Variants in EME2 observed in about 807,000 individuals in gnomAD.
The protein encoded by EME2 is structure-specific endonuclease subunit EME2.
EME2 carries 58 observed loss-of-function variants against 41.9 expected under a neutral mutation model. The observed-to-expected ratio is 1.38, with a 90% CI of 1.12 to 1.72. The LOEUF is 1.72. Among genes scored for constraint, EME2 ranks in the 40% most tolerant of loss-of-function variants. The pLI, the probability that EME2 is intolerant of heterozygous loss-of-function variation, is 0.00. For synonymous variants in EME2, 334 were observed against 239.3 expected, an observed-to-expected ratio of 1.40 and a Z score of -3.65; for missense variants, 695 against 541.9, an observed-to-expected ratio of 1.28 and a Z score of -2.81.
Position 1,775,557 on chromosome 16 carries a change from C to G in EME2, c.664-12C>G. 6.2e-7 allele frequency: 1 copy of G among 1,612,066 alleles called. No homozygotes were observed. The highest frequency in any genetic ancestry group is 8.5e-7 in the Non-Finnish European group (1 of 1,179,318). Reference sequence around the variant, plus strand: ...CCTCTGGCTCGTGCCCATCAGCTTGCCTCCTCCCCAGGCCCTGGTACTCCT... The same window carrying G: ...CCTCTGGCTCGTGCCCATCAGCTTGGCTCCTCCCCAGGCCCTGGTACTCCT... On this transcript the variant is annotated splice_polypyrimidine_tract_variant and intron_variant, in intron 5 of 7. Transcript: ENST00000568449.
At position 1,776,832 on chromosome 16, in the gene EME2, G is replaced by A. The variant is rs939689387; in HGVS notation, c.*594G>A. 2.3e-5 allele frequency: 12 copies of A among 528,732 alleles called. No individual in the cohort carries two copies. The highest frequency in any genetic ancestry group is 7.7e-5 in the African/African-American group (4 of 52,212). The allele number at this position is 528,732 out of a possible 1,614,324, so 32.8% of individuals were successfully genotyped here. On this transcript the variant is annotated 3_prime_UTR_variant, in exon 8 of 8. Coordinates refer to ENST00000568449, the MANE Select transcript of EME2 (RefSeq NM_001257370.2). ...CGAGGCCCTGTGGGAACAGCAACGC[G>A]GGCTCCAGCCAGGCTCTCGTCCTCG...
intron 3 of EME2, 169 bp from the exon 4 acceptor site, chr16:1,774,872 G>A (rs2042685107): frequency 5.9e-6 from 4 of 674,860 alleles, no homozygotes; most frequent in Admixed American, 4.7e-5. Flanking sequence ...TGGCCTCGTG[G>A]GAGGCACAGA....
chr16:1,778,853 G>A lies in EME2; in HGVS notation c.*2615G>A, dbSNP rs1017464538. On this transcript the variant is annotated 3_prime_UTR_variant, in exon 8 of 8. Transcript: ENST00000568449. ...GCCCAGCCACAGAGCAGTAGCCAAG[G>A]CTGCCTGGCCTCCAAGTGGTTTCTA... 22 of 432,106 alleles carry A rather than the reference G, an allele frequency of 5.1e-5. No homozygotes were observed. The highest frequency in any genetic ancestry group is 4.0e-4 in the African/African-American group (20 of 49,440). The allele number at this position is 432,106 out of a possible 1,614,324, so 26.8% of individuals were successfully genotyped here. A position where few individuals can be genotyped will look rare whatever the true frequency, so the allele number is the denominator to read the frequency against.
In EME2 at chr16:1,779,796, C is replaced by T. The variant is rs775384790; in HGVS notation, c.*3558C>T. On this transcript the variant is annotated 3_prime_UTR_variant, in exon 8 of 8. Coordinates refer to ENST00000568449, the MANE Select transcript of EME2 (RefSeq NM_001257370.2). ...AAGCAGCACATGTGTCGAACACTGC[C>T]GAGCCCGCAGGCACGCCTGCATCCC... The T allele has an allele frequency of 6.6e-6, 1 of 152,254 alleles. No individual in the cohort carries two copies. Among genetic ancestry groups the T allele is most frequent in the South Asian group, 2.1e-4 (1 of 4,836 alleles). 9.4% of individuals were successfully genotyped at this position (152,254 alleles called of 1,614,324 possible).
chr16:1,774,192 TGCCCAGGCA>T (rs2042675174), intron 2 of EME2, 59 bp from the exon 3 acceptor site: 1 of 1,376,464 alleles, frequency 7.3e-7, no homozygotes, highest in Non-Finnish European at 1.0e-6. Flanking sequence ...GCTGCTGGAC[TGCCCAGGCA>T]GGGCCCCTGG....
Position 1,778,541 on chromosome 16 carries a change from G to A in EME2, c.*2303G>A, listed in dbSNP as rs772485876. The A allele has an allele frequency of 5.6e-5, 90 of 1,608,480 alleles. No homozygotes were observed. Among genetic ancestry groups the A allele is most frequent in the Middle Eastern group, 1.7e-4 (1 of 5,766 alleles). ...CAGCACAGTCACAGAAGGACTCGCC[G>A]GTCACGGGCACCGCACTGGGGATGG... On this transcript the variant is annotated 3_prime_UTR_variant, in exon 8 of 8. Coordinates refer to ENST00000568449, the MANE Select transcript of EME2 (RefSeq NM_001257370.2).
chr16:1,773,721 C>T lies in EME2; in HGVS notation c.264C>T (p.Ala88=), dbSNP rs993072488. The change falls in exon 2 of 8, where the codon GCC becomes GCT. Residue 88 remains alanine (A), a synonymous_variant. Coordinates refer to ENST00000568449, the MANE Select transcript of EME2 (RefSeq NM_001257370.2). ...CGGTCCCAGCCATCCTGGAAGACGC[C>T]GGTGCCGACGTCCTGATGGAGGCCC... is the stretch of plus-strand genomic sequence containing the variant. ...VCVDTAILED[A]GADVLMEALE... is the part of the protein sequence containing the mutation. 1.3e-6 allele frequency: 2 copies of T among 1,548,912 alleles called. No individual in the cohort carries two copies. The highest frequency in any genetic ancestry group is 1.4e-5 in the African/African-American group (1 of 73,136).
rs749277136 is a variant in EME2, at chr16:1,775,080, G to A, written c.517G>A (p.Glu173Lys). Residue 173 changes from glutamate to lysine, a missense_variant, in exon 4 of 8, where the codon GAG becomes AAG. By Grantham distance (56) the Glu-to-Lys change is moderately conservative. Transcript: ENST00000568449. ...CCACTGGGTGCCCTGGATCTCCCCC[G>A]AGACCACCGCCCGGCCCCACCTGGC... ...PTHWVPWISP[E>K]TTARPHLAVI... 60 of 1,610,736 alleles carry A rather than the reference G, an allele frequency of 3.7e-5. 1 individual carries two copies. The highest frequency in any genetic ancestry group is 3.3e-4 in the Middle Eastern group (2 of 6,084).
In EME2 at chr16:1,775,819, T is replaced by G. The variant is rs2042702971; in HGVS notation, c.802T>G (p.Phe268Val). 1 of 1,612,402 alleles carries G rather than the reference T, an allele frequency of 6.2e-7. No homozygotes were observed. The highest frequency in any genetic ancestry group is 8.5e-7 in the Non-Finnish European group (1 of 1,179,824). The change falls in exon 7 of 8, where the codon TTC (phenylalanine) becomes GTC (valine). Residue 268 changes from phenylalanine to valine, a missense_variant. Transcript: ENST00000568449. ...CAGGCAGTACCGGGAATCCCAGGCC[T>G]TCTCCTTCTGCACAGCAGGGCGCTG... The part of the protein sequence containing the change: ...PLKQYRESQA[F>V]SFCTAGRWAA...
In EME2 at chr16:1,779,827, C is replaced by T. The variant is rs1291443035; in HGVS notation, c.*3589C>T. 1 of 152,254 alleles carries T rather than the reference C, an allele frequency of 6.6e-6. No homozygotes were observed. Among genetic ancestry groups the T allele is most frequent in the Non-Finnish European group, 1.5e-5 (1 of 68,052 alleles). 9.4% of individuals were successfully genotyped at this position (152,254 alleles called of 1,614,324 possible). Reference sequence around the variant, plus strand: ...CGCAGGCACGCCTGCATCCCACAGCCACGAGCCTGTGAGGCTCAGGCATGT... The same window carrying T: ...CGCAGGCACGCCTGCATCCCACAGCTACGAGCCTGTGAGGCTCAGGCATGT... On this transcript the variant is annotated 3_prime_UTR_variant, in exon 8 of 8. Coordinates refer to ENST00000568449, the MANE Select transcript of EME2 (RefSeq NM_001257370.2).
chr16:1,781,502 G>C lies in EME2; in HGVS notation c.*5264G>C. 1.9e-6 allele frequency: 3 copies of C among 1,610,328 alleles called. No homozygotes were observed. The highest frequency in any genetic ancestry group is 2.2e-5 in the South Asian group (2 of 90,938). On this transcript the variant is annotated 3_prime_UTR_variant, in exon 8 of 8. Coordinates refer to ENST00000568449, the MANE Select transcript of EME2 (RefSeq NM_001257370.2). ...TGGCCATGGTGGAAAGAATCTAGAA[G>C]AAAACACAGGCTCTGGGCAAAGGAA... is the stretch of plus-strand genomic sequence containing the variant.
At position 1,780,696 on chromosome 16, in the gene EME2, C is replaced by T. The variant is rs1596858386; in HGVS notation, c.*4458C>T. On this transcript the variant is annotated 3_prime_UTR_variant, in exon 8 of 8. Transcript: ENST00000568449. ...AGACAACCAGCAAGTTAACAATGGT[C>T]ACCTCCAGAAATGGGCTGGGTAAAC... The T allele has an allele frequency of 1.2e-5, 2 of 160,822 alleles. No individual in the cohort carries two copies. The highest frequency in any genetic ancestry group is 4.8e-5 in the African/African-American group (2 of 41,516). The allele number at this position is 160,822 out of a possible 1,614,324, so 10.0% of individuals were successfully genotyped here.
In EME2 at chr16:1,773,441, G is replaced by C. The variant is rs768153832; in HGVS notation, c.214G>C (p.Val72Leu). The change falls in exon 1 of 8, where the codon GTC becomes CTC. Residue 72 changes from valine (V) to leucine (L), a missense_variant. Physicochemically the swap from Val to Leu is conservative, Grantham distance 32. Transcript: ENST00000568449. Reference sequence around the variant, plus strand: ...GTTGCGGCTGCTGCGGCCGGAGCAGGTCCTGAAGCGCCTCGCGGTGTGCGT... The same window carrying C: ...GTTGCGGCTGCTGCGGCCGGAGCAGCTCCTGAAGCGCCTCGCGGTGTGCGT... ...EALRLLRPEQ[V>L]LKRLAVCVDT... The C allele has an allele frequency of 6.4e-7, 1 of 1,573,586 alleles. No individual in the cohort carries two copies.
Position 1,776,628 on chromosome 16 carries a change from G to T in EME2, c.*390G>T. The T allele has an allele frequency of 3.4e-6, 1 of 293,830 alleles. No homozygotes were observed. The highest frequency in any genetic ancestry group is 6.4e-6 in the Non-Finnish European group (1 of 156,366). The allele number at this position is 293,830 out of a possible 1,614,324, so 18.2% of individuals were successfully genotyped here. A position where few individuals can be genotyped will look rare whatever the true frequency, so the allele number is the denominator to read the frequency against. Reference sequence around the variant, plus strand: ...GAAGCAGTAGGGGACTCCCAAGGATGTGGAGGGGCAGTGAGGCCTGGGAGA... The same window carrying T: ...GAAGCAGTAGGGGACTCCCAAGGATTTGGAGGGGCAGTGAGGCCTGGGAGA... On this transcript the variant is annotated 3_prime_UTR_variant, in exon 8 of 8. Coordinates refer to ENST00000568449, the MANE Select transcript of EME2 (RefSeq NM_001257370.2).
Position 1,778,635 on chromosome 16 carries a change from T to TA in EME2, c.*2398dup. 1 of 1,528,014 alleles carries TA rather than the reference T, an allele frequency of 6.5e-7. No homozygotes were observed. The allele number at this position is 1,528,014 out of a possible 1,614,324, so 94.7% of individuals were successfully genotyped here. On this transcript the variant is annotated 3_prime_UTR_variant, in exon 8 of 8. Coordinates refer to ENST00000568449, the MANE Select transcript of EME2 (RefSeq NM_001257370.2). ...GTGCTGGGAGAGAAGGGCCGGCTGTTACTACCTGTTGCCCGCTCTCTACCC... is the reference window on the plus strand; with the variant it reads ...GTGCTGGGAGAGAAGGGCCGGCTGTTAACTACCTGTTGCCCGCTCTCTACCC...
chr16:1,776,288 C>A lies in EME2; in HGVS notation c.*50C>A. The A allele has an allele frequency of 6.3e-7, 1 of 1,585,560 alleles. No individual in the cohort carries two copies. The highest frequency in any genetic ancestry group is 1.7e-5 in the Admixed American group (1 of 58,098). On this transcript the variant is annotated 3_prime_UTR_variant, in exon 8 of 8. Transcript: ENST00000568449. ...CATGCAGCCTTGGGGACAGACCAGA[C>A]ACCCTGGGCGGTGGGGGAGGACCCC...
rs562080647 is a variant in EME2 at position 1,774,985 on chromosome 16, A to G, written c.478-56A>G. The G allele has an allele frequency of 3.5e-5, 49 of 1,408,920 alleles. 2 individuals are homozygous for G. The South Asian group carries it at 4.6e-4, about 13-fold the overall frequency. 87.3% of individuals were successfully genotyped at this position (1,408,920 alleles called of 1,614,324 possible). A position where few individuals can be genotyped will look rare whatever the true frequency, so the allele number is the denominator to read the frequency against. ...CAAACCAGCTGTGGCCTGGTGGCCC[A>G]TGGCCATAGGCCGCAGCCTCCTGTG... is the stretch of plus-strand genomic sequence containing the variant. On this transcript the variant is annotated intron_variant, in intron 3 of 7. Coordinates refer to ENST00000568449, the MANE Select transcript of EME2 (RefSeq NM_001257370.2).
chr16:1,775,859 C>T lies in EME2; in HGVS notation c.842C>T (p.Pro281Leu). The T allele has an allele frequency of 6.2e-7, 1 of 1,612,650 alleles. No individual in the cohort carries two copies. The highest frequency in any genetic ancestry group is 1.1e-5 in the South Asian group (1 of 91,074). The change falls in exon 7 of 8, where the codon CCA becomes CTA. Residue 281 changes from proline to leucine, a missense_variant. By Grantham distance (98) the Pro-to-Leu change is moderately conservative. Coordinates refer to ENST00000568449, the MANE Select transcript of EME2 (RefSeq NM_001257370.2). Reference protein sequence around the residue: ...CTAGRWAAGEPVARDGAGLQA... With the variant: ...CTAGRWAAGELVARDGAGLQA... The stretch of plus-strand genomic sequence containing the variant: ...GCAGGGCGCTGGGCAGCCGGCGAGC[C>T]AGTGGCAAGAGACGGCGCAGGGCTG...
At position 1,778,324 on chromosome 16, in the gene EME2, G is replaced by A. The variant is rs1210122271; in HGVS notation, c.*2086G>A. ...GTCATCCCAGACCCAGTCGAAATCT[G>A]CAAGAGAGGCCCAGGCTGGGGCAGC... On this transcript the variant is annotated 3_prime_UTR_variant, in exon 8 of 8. Transcript: ENST00000568449. The A allele has an allele frequency of 6.2e-7, 1 of 1,611,910 alleles. No individual in the cohort carries two copies. The highest frequency in any genetic ancestry group is 1.7e-5 in the Admixed American group (1 of 59,980).
Sources: allele counts gnomAD v4.1 joint callset, GRCh38; gene constraint gnomAD v4.1.1; transcripts MANE v1.5; gene names NCBI Gene and HGNC (gene_info 2026-07-23, HGNC 2026-07-21).